DAAM1: variants seen among roughly 807,000 people sequenced by gnomAD.
DAAM1 encodes the protein disheveled-associated activator of morphogenesis 1.
DAAM1 carries 52 observed loss-of-function variants against 130.0 expected under a neutral mutation model. The observed-to-expected ratio is 0.40, with a 90% confidence interval of 0.32 to 0.50. The LOEUF (loss-of-function observed/expected upper bound fraction) is 0.50. Among genes scored for constraint, DAAM1 ranks in the 20% least tolerant of loss-of-function variants. The pLI is 0.61. For missense variants in DAAM1, 1,134 were observed against 1,303.8 expected (o/e 0.87, Z 2.01); for synonymous variants, 452 against 444.5 (o/e 1.02, Z -0.21).
chr14:59,320,714 C>A (rs1884973819), intron 5 of DAAM1, 130 bp downstream of exon 5: 2 of 571,420 alleles, frequency 3.5e-6, no homozygotes, highest in Non-Finnish European at 2.8e-6. Context: ...TAATCATTAA[C>A]ATTTAATAAA....
chr14:59,283,053 G>A (rs1263457870), intron 2 of DAAM1, among the ~76,000 whole-genome samples: 1 of 152,094 alleles, frequency 6.6e-6, no homozygotes, highest in Non-Finnish European at 1.5e-5. Flanking sequence ...ACCTGTGACA[G>A]CAAAACATAT....
chr14:59,355,092 G>A, intron 19 of DAAM1, 73 bp from the exon 20 acceptor site: 1 of 1,542,452 alleles, frequency 6.5e-7, no homozygotes, highest in Non-Finnish European at 8.8e-7. Flanking sequence ...TTTAGAATGG[G>A]TATCACTGAA....
rs1473098545 is a variant in DAAM1 at position 59,263,520 on chromosome 14, T to C, written c.43T>C (p.Phe15Leu). Residue 15 changes from phenylalanine to leucine, a missense_variant, in exon 2 of 25, where the codon TTT becomes CTT. By Grantham distance (22) the Phe-to-Leu change is conservative (BLOSUM62 0). This residue lies in a region of DAAM1 where 99 missense variants were observed against 86.4 expected (regional missense o/e 1.15). Coordinates refer to ENST00000360909, the MANE Select transcript of DAAM1 (RefSeq NM_001270520.2). ...KRGGRGISFI[F>L]CCFRNNDHPE... ...AGGTGGACGAGGTATTTCATTCATC[T>C]TTTGCTGTTTCCGAAATAATGATCA... is the stretch of plus-strand genomic sequence containing the variant. 6.2e-7 allele frequency: 1 copy of C among 1,614,246 alleles called. No individual in the cohort carries two copies.
At chr14:59,300,212 A>G (rs1884114290) in intron 3 of DAAM1, among the ~76,000 whole-genome samples, 1 of 152,236 alleles carries the variant, frequency 6.6e-6, no homozygotes, top group African/African-American at 2.4e-5. Flanking sequence ...TAAGTAAGCT[A>G]ATTTTTACAA....
chr14:59,346,794 C>A (rs1204860526), intron 16 of DAAM1, among the ~76,000 whole-genome samples: 1 of 152,136 alleles, frequency 6.6e-6, no homozygotes, highest in Non-Finnish European at 1.5e-5. Flanking sequence ...AATCAAGACA[C>A]ATATTCCTGA....
At chr14:59,349,869 CTG>C (rs1303667755) in intron 17 of DAAM1, among the ~76,000 whole-genome samples, 2 of 152,088 alleles carry the variant, frequency 1.3e-5, no homozygotes, top group Admixed American at 6.6e-5. Context: ...GATGTAGTGA[CTG>C]TGTTATTCTG....
chr14:59,304,435 T>C (rs890630415), intron 3 of DAAM1, among the ~76,000 whole-genome samples: 8 of 152,158 alleles, frequency 5.3e-5, no homozygotes, highest in Non-Finnish European at 7.4e-5. Flanking sequence ...CCTTACACTT[T>C]AGGAACCTGG....
At chr14:59,235,691 T>G (rs1429691741) in intron 1 of DAAM1, among the ~76,000 whole-genome samples, 1 of 152,148 alleles carries the variant, frequency 6.6e-6, no homozygotes, top group Non-Finnish European at 1.5e-5. Context: ...GTTTTTGAAT[T>G]TCTTTGCTCT....
Position 59,371,096 on chromosome 14 carries a change from GAAAAAA to G in DAAM1, c.*2244_*2249del, listed in dbSNP as rs370426049. On this transcript the variant is annotated 3_prime_UTR_variant, in exon 25 of 25. Coordinates refer to ENST00000360909, the MANE Select transcript of DAAM1 (RefSeq NM_001270520.2). The stretch of plus-strand genomic sequence containing the variant: ...TAATTCCATGTGCCATTGTTGAAAA[GAAAAAA>G]AAAAAACAAAAAAAAAACCTACTTT... 17 of 89,082 alleles carry G rather than the reference GAAAAAA, an allele frequency of 1.9e-4. 1 individual carries two copies. The Admixed American group carries it at 2.2e-3, about 12-fold the overall frequency. 5.5% of individuals were successfully genotyped at this position (89,082 alleles called of 1,614,324 possible). A position where few individuals can be genotyped will look rare whatever the true frequency, so the allele number is the denominator to read the frequency against.
At chr14:59,282,858 C>T (rs1159917434) in intron 2 of DAAM1, among the ~76,000 whole-genome samples, 1 of 152,118 alleles carries the variant, frequency 6.6e-6, no homozygotes, top group African/African-American at 2.4e-5. Context: ...TAGCAGTACC[C>T]ATTTATTCCT....
rs932279472 is a variant in DAAM1, at chr14:59,327,057, T to A, written c.1372+66T>A. 3.2e-6 allele frequency: 5 copies of A among 1,564,710 alleles called. No homozygotes were observed. In the African/African-American group the frequency reaches 6.8e-5, roughly 21 times the overall value. ...ATTGGGTGACCTTGATTTCCATATA[T>A]TTTGGAAATTTACATTGATGTTTCT... On this transcript the variant is annotated intron_variant, in intron 12 of 24. Transcript: ENST00000360909.
chr14:59,317,926 T>A (rs554277295), intron 4 of DAAM1, among the ~76,000 whole-genome samples: 2 of 152,340 alleles, frequency 1.3e-5, no homozygotes, highest in African/African-American at 4.8e-5. Flanking sequence ...TTTTCTGAGA[T>A]GGGATAGGCT....
intron 1 of DAAM1, among the ~76,000 whole-genome samples, chr14:59,198,408 A>G (rs1478997141): frequency 1.3e-5 from 2 of 151,824 alleles, no homozygotes; most frequent in South Asian, 2.1e-4. Flanking sequence ...GTTTCAACAT[A>G]TTGGTCAGGC....
intron 1 of DAAM1, among the ~76,000 whole-genome samples, chr14:59,228,572 TG>T (rs1468789105): frequency 5.9e-5 from 9 of 152,238 alleles, no homozygotes; most frequent in Non-Finnish European, 1.3e-4. Flanking sequence ...AAAATACCTC[TG>T]TAGAAACAGG....
At chr14:59,240,318 G>A (rs1206018607) in intron 1 of DAAM1, among the ~76,000 whole-genome samples, 1 of 152,134 alleles carries the variant, frequency 6.6e-6, no homozygotes, top group Non-Finnish European at 1.5e-5. Context: ...AATGATGCTT[G>A]CTGAAGGTCC....
intron 2 of DAAM1, among the ~76,000 whole-genome samples, chr14:59,279,813 G>A (rs1163454286): frequency 6.6e-6 from 1 of 152,158 alleles, no homozygotes; most frequent in African/African-American, 2.4e-5. Context: ...CACAGGCTAG[G>A]AGAAATATTC....
At chr14:59,214,318 C>T (rs1034302951) in intron 1 of DAAM1, among the ~76,000 whole-genome samples, 5 of 152,214 alleles carry the variant, frequency 3.3e-5, no homozygotes, top group Admixed American at 2.0e-4. Context: ...CATTTAGATT[C>T]TTCCAAGTTG....
At chr14:59,275,248 C>G (rs1882912882) in intron 2 of DAAM1, among the ~76,000 whole-genome samples, 2 of 152,122 alleles carry the variant, frequency 1.3e-5, no homozygotes, top group African/African-American at 4.8e-5. Flanking sequence ...CTTAGAAATT[C>G]TCTCTTTCAA....
At chr14:59,363,819 C>T (rs369529124) in intron 23 of DAAM1, 37 bp downstream of exon 23, 357 of 1,609,532 alleles carry the variant, frequency 2.2e-4, no homozygotes, top group Admixed American at 1.2e-3. Context: ...GTTGTTTGAC[C>T]GGGCTGGGCT....
Sources: allele counts gnomAD v4.1 joint callset (sites outside exome capture counted in the v4.1 genomes callset), GRCh38; gene constraint gnomAD v4.1.1; regional missense constraint gnomAD v4.1.1; transcripts MANE v1.5; gene names NCBI Gene and HGNC (gene_info 2026-07-23, HGNC 2026-07-21).